PAK1: variants seen among roughly 807,000 people sequenced by gnomAD.
PAK1 encodes the protein serine/threonine-protein kinase PAK 1.
In PAK1, 29 loss-of-function variants were observed where a neutral mutation model predicts 67.4. The observed-to-expected ratio is 0.43, with a 90% CI of 0.32 to 0.59. PAK1 has a LOEUF of 0.59. Ranked by LOEUF, PAK1 falls within the 20% of genes least tolerant of loss-of-function variation. The pLI is 0.07. For missense variants in PAK1, 337 were observed against 670.7 expected, an observed-to-expected ratio of 0.50 and a Z score of 5.50; for synonymous variants, 223 against 237.4, an observed-to-expected ratio of 0.94 and a Z score of 0.56.
intron 8 of PAK1, among the ~76,000 whole-genome samples, chr11:77,349,838 G>A (rs567641050): frequency 6.6e-5 from 10 of 151,846 alleles, no homozygotes; most frequent in African/African-American, 1.7e-4. Flanking sequence ...GGGGCCCTGC[G>A]GAGAATTTCA....
intron 2 of PAK1, among the ~76,000 whole-genome samples, chr11:77,391,897 T>TC (rs1951184265): frequency 6.6e-6 from 1 of 152,014 alleles, no homozygotes; most frequent in South Asian, 2.1e-4. Flanking sequence ...TGATACGTAG[T>TC]CCCCAAACCT....
chr11:77,330,479 C>T (rs1350828079), intron 14 of PAK1, among the ~76,000 whole-genome samples: 3 of 152,056 alleles, frequency 2.0e-5, no homozygotes, highest in African/African-American at 4.8e-5. Context: ...GAAATAACGC[C>T]GCATATCTAC....
intron 6 of PAK1, among the ~76,000 whole-genome samples, chr11:77,357,779 T>A (rs1946237467): frequency 6.6e-6 from 1 of 152,190 alleles, no homozygotes; most frequent in African/African-American, 2.4e-5. Flanking sequence ...ATTAATTCAA[T>A]ATTTACTGTC....
chr11:77,336,664 G>A (rs376725827), intron 12 of PAK1, among the ~76,000 whole-genome samples: 25 of 152,128 alleles, frequency 1.6e-4, no homozygotes, highest in African/African-American at 5.8e-4. Context: ...CCTTGGGCAC[G>A]AGTCCTTGAT....
intron 1 of PAK1, among the ~76,000 whole-genome samples, chr11:77,420,931 G>A (rs895576080): frequency 1.3e-5 from 2 of 152,148 alleles, no homozygotes; most frequent in African/African-American, 2.4e-5. Flanking sequence ...TGTCAATAGC[G>A]CCACTGTTGG....
chr11:77,402,812 C>T (rs1013018018), intron 1 of PAK1, among the ~76,000 whole-genome samples: 3 of 152,146 alleles, frequency 2.0e-5, no homozygotes, highest in Non-Finnish European at 2.9e-5. Flanking sequence ...TGGGACAGTC[C>T]TCCCACCTCT....
chr11:77,490,260 C>G, the PAK1 span, among the ~76,000 whole-genome samples: 41 of 151,674 alleles, frequency 2.7e-4, 1 homozygote, highest in South Asian at 8.2e-3. Flanking sequence ...GCCCGGCCAG[C>G]CGCCCCGTCT....
intron 5 of PAK1, among the ~76,000 whole-genome samples, chr11:77,361,204 C>T (rs531477223): frequency 1.3e-5 from 2 of 152,266 alleles, no homozygotes; most frequent in South Asian, 4.2e-4. Context: ...TGGGGAGATA[C>T]TATTTTAGAT....
At chr11:77,443,465 A>G (rs1956454325) in intron 1 of PAK1, among the ~76,000 whole-genome samples, 1 of 152,140 alleles carries the variant, frequency 6.6e-6, no homozygotes, top group South Asian at 2.1e-4. Flanking sequence ...TCCAACTGTA[A>G]TGTAAGTATC....
intron 1 of PAK1, among the ~76,000 whole-genome samples, chr11:77,406,963 A>G (rs938212663): frequency 1.3e-5 from 2 of 152,212 alleles, no homozygotes; most frequent in African/African-American, 4.8e-5. Context: ...TGAATCCAGA[A>G]GAGGGGCCCT....
intron 1 of PAK1, among the ~76,000 whole-genome samples, chr11:77,411,245 T>G (rs1357329121): frequency 6.6e-6 from 1 of 151,674 alleles, no homozygotes; most frequent in Non-Finnish European, 1.5e-5. Context: ...CCAGCTCACC[T>G]CTCCAAAAGA....
At chr11:77,425,063 T>C (rs2138233332) in intron 1 of PAK1, among the ~76,000 whole-genome samples, 1 of 152,356 alleles carries the variant, frequency 6.6e-6, no homozygotes, top group African/African-American at 2.4e-5. Context: ...TTCCCCAGGA[T>C]ACATACTTGT....
chr11:77,349,513 A>C, intron 8 of PAK1: 1 of 537,570 alleles, frequency 1.9e-6, no homozygotes, highest in Non-Finnish European at 3.4e-6. Flanking sequence ...TGGTACTTCT[A>C]CCTAGTACCT....
intron 1 of PAK1, among the ~76,000 whole-genome samples, chr11:77,401,176 T>C (rs898458342): frequency 6.6e-6 from 1 of 152,228 alleles, no homozygotes. Flanking sequence ...GGGAGTACTG[T>C]ATGCCCTTGA....
chr11:77,386,124 T>C (rs941327165), intron 2 of PAK1, among the ~76,000 whole-genome samples: 3 of 152,196 alleles, frequency 2.0e-5, no homozygotes, highest in East Asian at 1.9e-4. Flanking sequence ...CCTAGACCAC[T>C]TGGCTTTCTG....
intron 1 of PAK1, among the ~76,000 whole-genome samples, chr11:77,462,044 T>A (rs1347326542): frequency 6.6e-6 from 1 of 152,072 alleles, no homozygotes; most frequent in Admixed American, 6.6e-5. Context: ...CCACATCTTT[T>A]CGCCGGGCGC....
At chr11:77,489,486 C>T in the PAK1 span, among the ~76,000 whole-genome samples, 1 of 151,934 alleles carries the variant, frequency 6.6e-6, no homozygotes, top group Non-Finnish European at 1.5e-5. Flanking sequence ...CCACGGTCTC[C>T]CTCTGATGCC....
the PAK1 span, among the ~76,000 whole-genome samples, chr11:77,516,315 G>A: frequency 1.3e-5 from 2 of 152,160 alleles, no homozygotes; most frequent in Non-Finnish European, 2.9e-5. Flanking sequence ...CTAAAAGCCA[G>A]GCTACCTGGG....
the PAK1 span, among the ~76,000 whole-genome samples, chr11:77,505,968 G>A: frequency 6.6e-6 from 1 of 152,228 alleles, no homozygotes; most frequent in Non-Finnish European, 1.5e-5. Flanking sequence ...AGTGGGAGCT[G>A]GGGAGGAAAA....
Sources: gnomAD v4.1 joint callset for allele counts (sites outside exome capture counted in the v4.1 genomes callset) on GRCh38, gnomAD v4.1.1 for gene constraint, MANE v1.5 for transcripts, NCBI Gene and HGNC (gene_info 2026-07-23, HGNC 2026-07-21) for gene names.